The following KAZALD1 variants were observed in gnomAD, a reference collection of about 807,000 sequenced individuals.
KAZALD1 encodes kazal-type serine protease inhibitor domain-containing protein 1.
KAZALD1 carries 31 observed loss-of-function variants against 27.7 expected under a neutral mutation model. That is an observed-to-expected ratio of 1.12 (90% CI 0.84 to 1.51). The LOEUF (loss-of-function observed/expected upper bound fraction) is 1.51. KAZALD1 is among the 40% of genes most tolerant of loss of function. KAZALD1 has a pLI of 0.00. For synonymous variants in KAZALD1, 179 were observed against 182.0 expected (o/e 0.98, Z 0.13); for missense variants, 444 against 408.9 (o/e 1.09, Z -0.74).
chr10:101,068,027 G>C (rs759384720), downstream of KAZALD1: 27 of 471,696 alleles, frequency 5.7e-5, no homozygotes, highest in African/African-American at 5.0e-4. Flanking sequence ...TAGCGAAGGA[G>C]TGCCATCTGG....
Position 101,064,587 on chromosome 10 carries a change from C to A in KAZALD1, c.759C>A (p.Cys253Ter). The change falls in exon 4 of 5, where the codon TGC becomes TGA. Residue 253 changes from cysteine to a stop codon, truncating the protein, a stop_gained. Transcript: ENST00000370200. LOFTEE classifies it high-confidence loss of function. ...CCAGTGATGAGGGCACTTACCGCTG[C>A]CTTGGCCGCAATGCCCTGGGTCAAG... Reference protein sequence around the residue: ...VRPSDEGTYRCLGRNALGQVE... With the variant: ...VRPSDEGTYR 6.2e-7 allele frequency: 1 copy of A among 1,614,090 alleles called. No homozygotes were observed. Among genetic ancestry groups the A allele is most frequent in the Admixed American group, 1.7e-5 (1 of 60,030 alleles).
chr10:101,063,594 T>C (rs1379225467), intron 2 of KAZALD1, among the ~76,000 whole-genome samples: 2 of 152,212 alleles, frequency 1.3e-5, no homozygotes, highest in Non-Finnish European at 2.9e-5. Context: ...TCTTTCTCTA[T>C]CCCTGGGGAC....
intron 1 of KAZALD1, 39 bp from the exon 2 acceptor site, chr10:101,062,503 C>T: frequency 6.6e-7 from 1 of 1,510,456 alleles, no homozygotes; most frequent in East Asian, 2.5e-5. Flanking sequence ...GGCACAGGCC[C>T]TGTTTCTGAC....
rs79019579 is a variant in KAZALD1 at position 101,064,654 on chromosome 10, G to A, written c.820+6G>A. 3,000 of 1,613,398 alleles carry A rather than the reference G, an allele frequency of 1.9e-3. 39 individuals are homozygous for A. In the African/African-American group the frequency reaches 0.031, roughly 17 times the overall value. On this transcript the variant is annotated splice_donor_region_variant and intron_variant, in intron 4 of 4. Coordinates refer to ENST00000370200, the MANE Select transcript of KAZALD1 (RefSeq NM_030929.5). ...CTTGACAGTGCTCACACCTGGTAAG[G>A]GGATTCCTGAGTTCTGGGGGTTGGG...
At position 101,066,691 on chromosome 10, in the gene KAZALD1, C is replaced by T. The variant is rs1213060256; in HGVS notation, c.*1771C>T. On this transcript the variant is annotated 3_prime_UTR_variant, in exon 5 of 5. Transcript: ENST00000370200. ...TCGCCCAGCTGGGCTCCAAGACGCC[C>T]TCTGCGGGCCCATAGCTCCTACCGC... is the stretch of plus-strand genomic sequence containing the variant. 1 of 358,360 alleles carries T rather than the reference C, an allele frequency of 2.8e-6. No homozygotes were observed. The highest frequency in any genetic ancestry group is 5.6e-6 in the Non-Finnish European group (1 of 179,330). 22.2% of individuals were successfully genotyped at this position (358,360 alleles called of 1,614,324 possible).
At position 101,062,958 on chromosome 10, in the gene KAZALD1, G is replaced by T; in HGVS notation, c.366G>T (p.Pro122=). 1 of 1,601,766 alleles carries T rather than the reference G, an allele frequency of 6.2e-7. No homozygotes were observed. ...TGGDLSRGEV[P]EPLCACRSQS... ...GCGACCTGAGCCGCGGAGAGGTGCC[G>T]GAACCTCTGTGTGCCTGTCGTTCGC... Residue 122 remains proline, a synonymous_variant, in exon 2 of 5, where the codon CCG becomes CCT. Coordinates refer to ENST00000370200, the MANE Select transcript of KAZALD1 (RefSeq NM_030929.5).
intron 2 of KAZALD1, among the ~76,000 whole-genome samples, chr10:101,063,454 G>C (rs1939226648): frequency 6.6e-6 from 1 of 152,186 alleles, no homozygotes; most frequent in Admixed American, 6.5e-5. Context: ...CAGACCAGTG[G>C]AGTCCAGGCA....
rs369377387 is a variant in KAZALD1, at chr10:101,064,257, C to G, written c.512-4C>G. 27 of 1,614,120 alleles carry G rather than the reference C, an allele frequency of 1.7e-5. No homozygotes were observed. In the African/African-American group the frequency reaches 2.0e-4, roughly 12 times the overall value. On this transcript the variant is annotated splice_region_variant and splice_polypyrimidine_tract_variant and intron_variant, in intron 2 of 4. Transcript: ENST00000370200. ...ATTCTCAGACCTCCCGCCTTCACCC[C>G]CAGGGCCCCAGATCGTGTCACATCC...
chr10:101,066,471 G>A lies in KAZALD1; in HGVS notation c.*1551G>A, dbSNP rs777842846. The A allele has an allele frequency of 2.2e-6, 1 of 456,596 alleles. No homozygotes were observed. The highest frequency in any genetic ancestry group is 1.5e-5 in the South Asian group (1 of 64,560). 28.3% of individuals were successfully genotyped at this position (456,596 alleles called of 1,614,324 possible). A position where few individuals can be genotyped will look rare whatever the true frequency, so the allele number is the denominator to read the frequency against. ...CCCAGGCTGGAAGCGGGCGGCCCTA[G>A]GAGCCGCGCACAACAGCGCAAGCGG... On this transcript the variant is annotated 3_prime_UTR_variant, in exon 5 of 5. Transcript: ENST00000370200.
Position 101,065,176 on chromosome 10 carries a change from A to T in KAZALD1, c.*256A>T. 1 of 466,916 alleles carries T rather than the reference A, an allele frequency of 2.1e-6. No homozygotes were observed. Among genetic ancestry groups the T allele is most frequent in the Non-Finnish European group, 3.9e-6 (1 of 257,402 alleles). The allele number at this position is 466,916 out of a possible 1,614,324, so 28.9% of individuals were successfully genotyped here. A position where few individuals can be genotyped will look rare whatever the true frequency, so the allele number is the denominator to read the frequency against. On this transcript the variant is annotated 3_prime_UTR_variant, in exon 5 of 5. Coordinates refer to ENST00000370200, the MANE Select transcript of KAZALD1 (RefSeq NM_030929.5). ...GGCCCATGCAGGAGATGCCCTGGCC[A>T]GTAGGACCTCCAACAGGTTGTTTCC...
At chr10:101,068,086 C>T (rs1297875383), downstream of KAZALD1, 1 of 443,144 alleles carries the variant, frequency 2.3e-6, no homozygotes, top group Non-Finnish European at 4.7e-6. Context: ...GGCCTTGAGA[C>T]AATTTACTTG....
downstream of KAZALD1, chr10:101,067,742 C>CG (rs537587830): frequency 1.4e-4 from 52 of 360,212 alleles, no homozygotes; most frequent in African/African-American, 4.7e-4. Context: ...CCCTGGTGAC[C>CG]GGGGGGGTCG....
chr10:101,066,554 CG>C lies in KAZALD1; in HGVS notation c.*1639del. 1 of 305,538 alleles carries C rather than the reference CG, an allele frequency of 3.3e-6. No individual in the cohort carries two copies. The allele number at this position is 305,538 out of a possible 1,614,324, so 18.9% of individuals were successfully genotyped here. On this transcript the variant is annotated 3_prime_UTR_variant, in exon 5 of 5. Transcript: ENST00000370200. ...ACAGAAGCAGAATCAGAGGGGTAGG[CG>C]GGGGTGGGGCGTGCTGTTCGGCGCT...
rs771548103 is a variant in KAZALD1, at chr10:101,062,990, C to T, written c.398C>T (p.Pro133Leu). The change falls in exon 2 of 5, where the codon CCG (proline) becomes CTG (leucine). Residue 133 changes from proline to leucine, a missense_variant. Pro to Leu is a moderately conservative substitution (Grantham distance 98). Transcript: ENST00000370200. ...EPLCACRSQS[P>L]LCGSDGHTYS... is the part of the protein sequence containing the mutation. ...CTGTGTGCCTGTCGTTCGCAGAGTCCGCTCTGCGGGTCCGACGGTCACACC... is the reference window on the plus strand; with the variant it reads ...CTGTGTGCCTGTCGTTCGCAGAGTCTGCTCTGCGGGTCCGACGGTCACACC... The T allele has an allele frequency of 1.2e-6, 2 of 1,601,134 alleles. No homozygotes were observed. The highest frequency in any genetic ancestry group is 4.5e-5 in the East Asian group (2 of 44,818).
chr10:101,066,750 G>A lies in KAZALD1; in HGVS notation c.*1830G>A. 2.9e-6 allele frequency: 1 copy of A among 344,122 alleles called. No homozygotes were observed. The highest frequency in any genetic ancestry group is 2.2e-5 in the South Asian group (1 of 44,750). 21.3% of individuals were successfully genotyped at this position (344,122 alleles called of 1,614,324 possible). ...GCAGAGCAGAGGCTCCTCACCAAAA[G>A]CCCCACCCCACCGGAGAGGGTCACG... On this transcript the variant is annotated 3_prime_UTR_variant, in exon 5 of 5. Coordinates refer to ENST00000370200, the MANE Select transcript of KAZALD1 (RefSeq NM_030929.5).
At position 101,066,087 on chromosome 10, in the gene KAZALD1, C is replaced by T. The variant is rs1203701954; in HGVS notation, c.*1167C>T. Among the ~76,000 whole-genome samples, 1 of 152,236 alleles carries T rather than the reference C, an allele frequency of 6.6e-6. No individual in the cohort carries two copies. The highest frequency in any genetic ancestry group is 2.4e-5 in the African/African-American group (1 of 41,464). Reference sequence around the variant, plus strand: ...TGGCTTGGGGTCCCCAAATCTCTTTCCTCATTCTCCTTACCTATCCCAGGG... The same window carrying T: ...TGGCTTGGGGTCCCCAAATCTCTTTTCTCATTCTCCTTACCTATCCCAGGG... On this transcript the variant is annotated 3_prime_UTR_variant, in exon 5 of 5. Transcript: ENST00000370200.
chr10:101,062,610 G>T lies in KAZALD1; in HGVS notation c.18G>T (p.Arg6=), dbSNP rs778226073. The T allele has an allele frequency of 1.9e-6, 3 of 1,580,922 alleles. No individual in the cohort carries two copies. Among genetic ancestry groups the T allele is most frequent in the Non-Finnish European group, 2.6e-6 (3 of 1,172,666 alleles). ...CGCTAACCATGCTGCCGCCGCCGCG[G>T]CCCGCAGCTGCCTTGGCGCTGCCTG... The part of the protein sequence containing the change: MLPPP[R]PAAALALPVL... Residue 6 remains arginine (R), a synonymous_variant, in exon 2 of 5, where the codon CGG becomes CGT. Coordinates refer to ENST00000370200, the MANE Select transcript of KAZALD1 (RefSeq NM_030929.5).
Position 101,062,934 on chromosome 10 carries a change from C to T in KAZALD1, c.342C>T (p.Gly114=), listed in dbSNP as rs766137552. 1 of 1,602,278 alleles carries T rather than the reference C, an allele frequency of 6.2e-7. No individual in the cohort carries two copies. ...TTGAGTGCCGGCTGGACACAGGCGG[C>T]GACCTGAGCCGCGGAGAGGTGCCGG... ...EQLECRLDTG[G]DLSRGEVPEP... Residue 114 remains glycine (G), a synonymous_variant, in exon 2 of 5, where the codon GGC becomes GGT. Coordinates refer to ENST00000370200, the MANE Select transcript of KAZALD1 (RefSeq NM_030929.5).
At chr10:101,067,415 C>T, downstream of KAZALD1, 1 of 420,654 alleles carries the variant, frequency 2.4e-6, no homozygotes. Flanking sequence ...CCCGGAGATC[C>T]GGAGTCCGGA....
Sources: allele counts gnomAD v4.1 joint callset (sites outside exome capture counted in the v4.1 genomes callset), GRCh38; gene constraint gnomAD v4.1.1; transcripts MANE v1.5; gene names NCBI Gene and HGNC (gene_info 2026-07-23, HGNC 2026-07-21).